Variants in MAST4 observed in about 807,000 individuals in gnomAD.
The protein encoded by MAST4 is microtubule associated serine/threonine kinase family member 4.
A neutral mutation model predicts 162.7 loss-of-function variants in MAST4; 89 were observed. The observed-to-expected ratio is 0.55, with a 90% CI of 0.46 to 0.65. MAST4 has a LOEUF of 0.65. Among genes scored for constraint, MAST4 ranks in the 30% least tolerant of loss-of-function variants. MAST4 has a pLI of 0.00. For missense variants in MAST4, 3,153 were observed against 3,374.0 expected (o/e 0.93, Z 1.62); for synonymous variants, 1,479 against 1,361.1 (o/e 1.09, Z -1.91).
In MAST4 at chr5:66,786,853, T is replaced by C. The variant is rs1267592004; in HGVS notation, c.518-1817T>C. Among the ~76,000 whole-genome samples the C allele has an allele frequency of 2.0e-5, 3 of 152,218 alleles. No individual in the cohort carries two copies. The East Asian group carries it at 5.8e-4, about 29-fold the overall frequency. On this transcript the variant is annotated intron_variant, in intron 2 of 28. Coordinates refer to ENST00000403625, the MANE Select transcript of MAST4 (RefSeq NM_001164664.2). ...TTCACTGTCATTGAATTTTCAATGA[T>C]AGTGTTAAATTAATTGACATTTGCT...
chr5:67,123,191 T>A (rs1767789079), intron 14 of MAST4, among the ~76,000 whole-genome samples: 1 of 152,146 alleles, frequency 6.6e-6, no homozygotes, highest in Non-Finnish European at 1.5e-5. Context: ...CTCACATCAG[T>A]GGCTCAGAGA....
intron 1 of MAST4, among the ~76,000 whole-genome samples, chr5:66,599,986 A>G (rs1014809783): frequency 2.0e-5 from 3 of 152,006 alleles, no homozygotes; most frequent in Non-Finnish European, 2.9e-5. Flanking sequence ...GTAAAATTCA[A>G]GCTTCTAGTA....
intron 2 of MAST4, chr5:66,783,491 A>G (rs2149664985): frequency 6.6e-6 from 1 of 152,286 alleles, no homozygotes; most frequent in South Asian, 2.1e-4. Flanking sequence ...ATTAATTTTT[A>G]CCATTACTGG....
At chr5:67,100,723 G>A in intron 8 of MAST4, 131 bp downstream of exon 8, 6 of 1,094,110 alleles carry the variant, frequency 5.5e-6, no homozygotes, top group Non-Finnish European at 6.6e-6. Flanking sequence ...ATAGTGTGAT[G>A]TTTCCATGTA....
intron 1 of MAST4, among the ~76,000 whole-genome samples, chr5:66,719,522 T>C (rs926652572): frequency 6.6e-6 from 1 of 152,212 alleles, no homozygotes; most frequent in Non-Finnish European, 1.5e-5. Context: ...TGTTCAGTGT[T>C]TTACAGATTT....
At chr5:66,860,029 G>C (rs1356604045) in intron 3 of MAST4, among the ~76,000 whole-genome samples, 1 of 152,194 alleles carries the variant, frequency 6.6e-6, no homozygotes, top group Non-Finnish European at 1.5e-5. Flanking sequence ...TTAAATAAAT[G>C]ATTTGATATA....
chr5:67,075,482 TG>T (rs888979988), intron 5 of MAST4, among the ~76,000 whole-genome samples: 1 of 922 alleles, frequency 1.1e-3, no homozygotes, highest in African/African-American at 5.4e-3. Flanking sequence ...GGCTTTGGAG[TG>T]TTTTTTTTAT....
chr5:66,723,843 G>A (rs1031575762), intron 1 of MAST4, among the ~76,000 whole-genome samples: 1 of 152,100 alleles, frequency 6.6e-6, no homozygotes, highest in African/African-American at 2.4e-5. Context: ...AACATTGCAG[G>A]TTATGACTTC....
intron 1 of MAST4, among the ~76,000 whole-genome samples, chr5:66,718,768 G>T (rs934208666): frequency 2.6e-5 from 4 of 152,086 alleles, no homozygotes; most frequent in Non-Finnish European, 5.9e-5. Context: ...TTCCTCTTTT[G>T]TATCATGCAT....
chr5:66,753,398 C>T (rs6896105), intron 1 of MAST4, among the ~76,000 whole-genome samples: 354 of 149,610 alleles, frequency 2.4e-3, no homozygotes, highest in African/African-American at 6.4e-3. Context: ...ATTGATAGAC[C>T]GCTAGCAAGA....
At chr5:66,650,566 A>G (rs1329664962) in intron 1 of MAST4, among the ~76,000 whole-genome samples, 2 of 152,158 alleles carry the variant, frequency 1.3e-5, no homozygotes, top group Admixed American at 1.3e-4. Flanking sequence ...TTTGAGTATC[A>G]TTGTTTTGCT....
intron 4 of MAST4, among the ~76,000 whole-genome samples, chr5:67,012,296 T>C (rs1418629093): frequency 6.6e-6 from 1 of 152,202 alleles, no homozygotes; most frequent in Admixed American, 6.5e-5. Context: ...AAGCTTGGAA[T>C]AGGACTCTAT....
intron 4 of MAST4, among the ~76,000 whole-genome samples, chr5:66,902,332 A>G (rs1580816622): frequency 6.6e-6 from 1 of 152,354 alleles, no homozygotes; most frequent in East Asian, 1.9e-4. Context: ...GTCTTGAAAG[A>G]TAGTAGCTTT....
At chr5:66,911,479 A>C (rs1023122266) in intron 4 of MAST4, among the ~76,000 whole-genome samples, 57 of 140,954 alleles carry the variant, frequency 4.0e-4, no homozygotes, top group African/African-American at 1.3e-3. Context: ...AGACAGGGGG[A>C]TTGCTTGAGG....
chr5:66,827,332 A>G (rs1324041525), intron 3 of MAST4, among the ~76,000 whole-genome samples: 1 of 152,232 alleles, frequency 6.6e-6, no homozygotes, highest in Admixed American at 6.5e-5. Flanking sequence ...AAGTGGTATC[A>G]AATCAACATG....
At chr5:67,075,252 C>T (rs1179902357) in intron 5 of MAST4, among the ~76,000 whole-genome samples, 1 of 150,316 alleles carries the variant, frequency 6.7e-6, no homozygotes, top group African/African-American at 2.5e-5. Context: ...CTCCCTGCAG[C>T]TTTGAACTCC....
At chr5:66,804,773 G>C (rs1561343163) in intron 3 of MAST4, among the ~76,000 whole-genome samples, 1 of 151,988 alleles carries the variant, frequency 6.6e-6, no homozygotes, top group Non-Finnish European at 1.5e-5. Context: ...CCTTTGTTGG[G>C]GGACTTTTAA....
chr5:66,986,952 A>G (rs1365528291), intron 4 of MAST4, among the ~76,000 whole-genome samples: 3 of 152,134 alleles, frequency 2.0e-5, no homozygotes, highest in Admixed American at 1.3e-4. Flanking sequence ...ATGCATGTAC[A>G]TGTGTATGCT....
intron 1 of MAST4, among the ~76,000 whole-genome samples, chr5:66,644,081 A>C (rs1160139591): frequency 6.6e-6 from 1 of 151,908 alleles, no homozygotes; most frequent in Admixed American, 6.6e-5. Context: ...GTTAGTACCT[A>C]CTGTATTTTA....
Sources: allele counts gnomAD v4.1 joint callset (sites outside exome capture counted in the v4.1 genomes callset), GRCh38; gene constraint gnomAD v4.1.1; transcripts MANE v1.5; gene names NCBI Gene and HGNC (gene_info 2026-07-23, HGNC 2026-07-21).